CACUL1: variants seen among roughly 807,000 people sequenced by gnomAD.
CACUL1 encodes the protein CDK2 associated cullin domain 1.
In CACUL1, 13 loss-of-function variants were observed where a neutral mutation model predicts 45.2. The ratio of observed to expected loss-of-function variants is 0.29; its 90% CI spans 0.19 to 0.46. The LOEUF is 0.46. Among genes scored for constraint, CACUL1 ranks in the 20% least tolerant of loss-of-function variants. The pLI, the probability that CACUL1 is intolerant of heterozygous loss-of-function variation, is 1.00. For synonymous variants in CACUL1, 197 were observed against 174.2 expected (o/e 1.13, Z -1.03); for missense variants, 421 against 471.4 (o/e 0.89, Z 0.99).
intron 1 of CACUL1, among the ~76,000 whole-genome samples, chr10:118,747,300 A>G (rs1459873361): frequency 1.3e-5 from 2 of 152,206 alleles, no homozygotes; most frequent in Admixed American, 1.3e-4. Flanking sequence ...GAGCTGTCAT[A>G]TACAGCTGAT....
At chr10:118,754,132 G>C (rs2119694390) in intron 1 of CACUL1, among the ~76,000 whole-genome samples, 2 of 152,264 alleles carry the variant, frequency 1.3e-5, no homozygotes, top group South Asian at 4.1e-4. Context: ...CGCACTGACC[G>C]AACTTGGGGC....
chr10:118,710,524 G>A (rs1173236892), intron 3 of CACUL1, among the ~76,000 whole-genome samples: 7 of 152,110 alleles, frequency 4.6e-5, no homozygotes, highest in Admixed American at 3.9e-4. Flanking sequence ...AAAGACATAA[G>A]GCCTCCCTGA....
At chr10:118,691,866 CAAAA>C (rs754241223) in intron 6 of CACUL1, among the ~76,000 whole-genome samples, 33 of 95,422 alleles carry the variant, frequency 3.5e-4, no homozygotes, top group Admixed American at 1.0e-3. Flanking sequence ...GACTCCGTCT[CAAAA>C]AAAAAAAAAA....
Position 118,730,340 on chromosome 10 carries a change from T to G in CACUL1, c.438A>C (p.Gln146His). 6.2e-7 allele frequency: 1 copy of G among 1,613,962 alleles called. No homozygotes were observed. ...YWPKLDGAID[Q>H]LLTQSPGDYI... ...AGTCACCAGGACTCTGAGTTAAAAGTTGATCTATGGCACCATCCAATTTTG... is the reference window on the plus strand; with the variant it reads ...AGTCACCAGGACTCTGAGTTAAAAGGTGATCTATGGCACCATCCAATTTTG... The change falls in exon 2 of 9, where the codon CAA (glutamine) becomes CAC (histidine). Residue 146 changes from glutamine (Q) to histidine (H), a missense_variant. By Grantham distance (24) the Gln-to-His change is conservative (BLOSUM62 0). Coordinates refer to ENST00000369151, the MANE Select transcript of CACUL1 (RefSeq NM_153810.5).
chr10:118,689,951 G>C (rs1257699934), intron 7 of CACUL1, among the ~76,000 whole-genome samples: 5 of 152,100 alleles, frequency 3.3e-5, no homozygotes, highest in Admixed American at 3.3e-4. Context: ...AAAGACTTCA[G>C]AATTATGGTA....
chr10:118,717,611 C>T (rs1319192855), intron 3 of CACUL1, among the ~76,000 whole-genome samples: 1 of 151,828 alleles, frequency 6.6e-6, no homozygotes, highest in Non-Finnish European at 1.5e-5. Context: ...ACAAGCTCCT[C>T]TAAAAAAAAA....
At chr10:118,729,418 C>T in intron 2 of CACUL1, 21 bp from the exon 3 acceptor site, 1 of 1,558,338 alleles carries the variant, frequency 6.4e-7, no homozygotes, top group Non-Finnish European at 8.8e-7. Context: ...AACAAAAACC[C>T]CCACAAACCA....
Position 118,685,421 on chromosome 10 carries a change from C to T in CACUL1, c.*707G>A, listed in dbSNP as rs1845194758. 1 of 130,758 alleles carries T rather than the reference C, an allele frequency of 7.6e-6. No homozygotes were observed. Among genetic ancestry groups the T allele is most frequent in the Non-Finnish European group, 1.7e-5 (1 of 57,796 alleles). 8.1% of individuals were successfully genotyped at this position (130,758 alleles called of 1,614,324 possible). The stretch of plus-strand genomic sequence containing the variant: ...ATTTTCCCACTTAATTAGCATCCTG[C>T]TACAGGGCCACACCTGCCATCTTGG... On this transcript the variant is annotated 3_prime_UTR_variant, in exon 9 of 9. Coordinates refer to ENST00000369151, the MANE Select transcript of CACUL1 (RefSeq NM_153810.5).
At chr10:118,687,019 G>C (rs1845214023) in intron 7 of CACUL1, among the ~76,000 whole-genome samples, 1 of 152,086 alleles carries the variant, frequency 6.6e-6, no homozygotes, top group South Asian at 2.1e-4. Context: ...ATCACTACTA[G>C]CCTTTCTTCC....
intron 1 of CACUL1, among the ~76,000 whole-genome samples, chr10:118,733,623 G>A (rs901739349): frequency 6.6e-6 from 1 of 152,204 alleles, no homozygotes; most frequent in African/African-American, 2.4e-5. Context: ...TAGCCTCAGA[G>A]TGTGTGTGTA....
At chr10:118,706,499 G>T (rs1424895550) in intron 4 of CACUL1, among the ~76,000 whole-genome samples, 1 of 152,038 alleles carries the variant, frequency 6.6e-6, no homozygotes, top group Non-Finnish European at 1.5e-5. Flanking sequence ...TACCTCCCAG[G>T]CTTACACTCT....
intron 4 of CACUL1, among the ~76,000 whole-genome samples, chr10:118,705,409 G>A (rs922637413): frequency 6.6e-6 from 1 of 152,008 alleles, no homozygotes; most frequent in South Asian, 2.1e-4. Flanking sequence ...TTCTCTCCTG[G>A]TATATTGTCC....
chr10:118,688,024 T>C (rs1845225773), intron 7 of CACUL1, among the ~76,000 whole-genome samples: 1 of 152,242 alleles, frequency 6.6e-6, no homozygotes. Flanking sequence ...CAAGGTGATT[T>C]ATTTCCTGCT....
rs138723017 is a variant in CACUL1, at chr10:118,727,465, A to G, written c.597+1830T>C. Among the ~76,000 whole-genome samples, 503 of 152,088 alleles carry G rather than the reference A, an allele frequency of 3.3e-3. 4 individuals are homozygous for G. Among genetic ancestry groups the G allele is most frequent in the Admixed American group, 2.3e-3 (35 of 15,280 alleles). ...ACTCTGATTTATGTTTTAATCATTA[A>G]TAAGAATCATTACTATATTAATATA... On this transcript the variant is annotated intron_variant, in intron 3 of 8. Coordinates refer to ENST00000369151, the MANE Select transcript of CACUL1 (RefSeq NM_153810.5).
At chr10:118,747,032 A>T (rs1845848993) in intron 1 of CACUL1, among the ~76,000 whole-genome samples, 1 of 152,088 alleles carries the variant, frequency 6.6e-6, no homozygotes. Context: ...CAGGAATTAG[A>T]TTCTCAAAGG....
intron 3 of CACUL1, among the ~76,000 whole-genome samples, chr10:118,710,705 T>C (rs1845476240): frequency 1.3e-5 from 2 of 152,170 alleles, no homozygotes; most frequent in African/African-American, 4.8e-5. Context: ...GGGCAATATT[T>C]GTGTCTTATC....
chr10:118,734,415 G>A (rs1179203207), intron 1 of CACUL1, among the ~76,000 whole-genome samples: 1 of 152,132 alleles, frequency 6.6e-6, no homozygotes, highest in Non-Finnish European at 1.5e-5. Flanking sequence ...TGTATGTAAT[G>A]AGCAATATCA....
intron 6 of CACUL1, 185 bp from the exon 7 acceptor site, chr10:118,691,588 C>G: frequency 1.9e-6 from 1 of 532,704 alleles, no homozygotes; most frequent in South Asian, 2.1e-5. Context: ...ATTTTACAGG[C>G]CGGGTGCGGC....
In CACUL1 at chr10:118,678,450, A is replaced by C. The variant is rs1845118262; in HGVS notation, c.*7678T>G. On this transcript the variant is annotated 3_prime_UTR_variant, in exon 9 of 9. Transcript: ENST00000369151. ...CACAATCCATTCAGAAAGGTCTTGG[A>C]TATCCTTGGCCCTTTGCTCTTCCAT... 6.6e-6 allele frequency: 1 copy of C among 152,190 alleles called. No individual in the cohort carries two copies. Among genetic ancestry groups the C allele is most frequent in the South Asian group, 2.1e-4 (1 of 4,830 alleles). 9.4% of individuals were successfully genotyped at this position (152,190 alleles called of 1,614,324 possible).
Sources: allele counts gnomAD v4.1 joint callset (sites outside exome capture counted in the v4.1 genomes callset), GRCh38; gene constraint gnomAD v4.1.1; transcripts MANE v1.5; gene names NCBI Gene and HGNC (gene_info 2026-07-23, HGNC 2026-07-21).